Variants in CLCN5 observed in about 807,000 individuals in gnomAD.
CLCN5 encodes the protein Cl-/H+ antiporter 5, also known as H(+)/Cl(-) exchange transporter 5.
In CLCN5, 17 loss-of-function variants were observed where a neutral mutation model predicts 54.0. The ratio of observed to expected loss-of-function variants is 0.31; its 90% CI spans 0.22 to 0.47. The LOEUF (loss-of-function observed/expected upper bound fraction) is 0.47. Ranked by LOEUF, CLCN5 falls within the 20% of genes least tolerant of loss-of-function variation. CLCN5 has a pLI of 1.00. For missense variants in CLCN5, 448 were observed against 646.7 expected, an observed-to-expected ratio of 0.69 and a Z score of 3.33; for synonymous variants, 222 against 233.0, an observed-to-expected ratio of 0.95 and a Z score of 0.43.
At position 50,080,823 on chromosome X, in the gene CLCN5, A is replaced by G. The variant is rs1428486341; in HGVS notation, c.726+107A>G. 5 of 692,704 alleles carry G rather than the reference A, an allele frequency of 7.2e-6. No homozygotes were observed. The African/African-American group carries it at 1.1e-4, about 15-fold the overall frequency. 57.1% of individuals were successfully genotyped at this position (692,704 alleles called of 1,213,427 possible). On this transcript the variant is annotated intron_variant, in intron 8 of 14. Coordinates refer to ENST00000376091, the MANE Select transcript of CLCN5 (RefSeq NM_001127898.4). The stretch of plus-strand genomic sequence containing the variant: ...TACCACAATTTGATGAATGTTAAAC[A>G]GGATCAGATCCTGAGGCCATCTAAG...
intron 3 of CLCN5, among the ~76,000 whole-genome samples, chrX:49,997,450 C>T (rs1267076834): frequency 9.0e-6 from 1 of 111,296 alleles, no homozygotes; most frequent in Admixed American, 9.5e-5. Flanking sequence ...AATACCTCCT[C>T]ACCTCCTGAC....
chrX:50,045,763 G>A (rs1015366052), intron 4 of CLCN5, among the ~76,000 whole-genome samples: 5 of 112,119 alleles, frequency 4.5e-5, no homozygotes, highest in African/African-American at 1.3e-4. Context: ...AGACAAACAC[G>A]AAAATCAGCC....
chrX:50,089,692 C>T (rs1298637920), intron 12 of CLCN5, among the ~76,000 whole-genome samples: 1 of 111,149 alleles, frequency 9.0e-6, no homozygotes, highest in Admixed American at 9.5e-5. Flanking sequence ...TTGAGACCAG[C>T]CTGGGCAACA....
At chrX:50,026,102 A>G (rs1239326573) in intron 3 of CLCN5, among the ~76,000 whole-genome samples, 1 of 111,927 alleles carries the variant, frequency 8.9e-6, no homozygotes, top group Non-Finnish European at 1.9e-5. Flanking sequence ...TTAGTTCAAA[A>G]TGTTTTTTAA....
intron 10 of CLCN5, 25 bp downstream of exon 10, chrX:50,086,085 T>C (rs374563489): frequency 9.1e-7 from 1 of 1,101,090 alleles, no homozygotes; most frequent in African/African-American, 1.8e-5. Flanking sequence ...TTGTACAGCA[T>C]GTGCATGCTT....
Position 50,095,181 on chromosome X carries a change from G to A in CLCN5, c.*2962G>A, listed in dbSNP as rs1348428761. On this transcript the variant is annotated 3_prime_UTR_variant, in exon 15 of 15. Coordinates refer to ENST00000376091, the MANE Select transcript of CLCN5 (RefSeq NM_001127898.4). ...AGTTAGGATTTTCCAAGTAAGAGTA[G>A]CTGGTAGCCATCCAGCCATAAAAGG... The A allele has an allele frequency of 8.9e-6, 1 of 112,394 alleles. No homozygotes were observed. The highest frequency in any genetic ancestry group is 3.2e-5 in the African/African-American group (1 of 30,900). The allele number at this position is 112,394 out of a possible 1,213,427, so 9.3% of individuals were successfully genotyped here.
intron 3 of CLCN5, among the ~76,000 whole-genome samples, chrX:49,980,396 T>G (rs1462225479): frequency 1.8e-5 from 2 of 111,990 alleles, no homozygotes; most frequent in African/African-American, 6.5e-5. Flanking sequence ...TTGGAAACAT[T>G]AATATCAGCC....
At chrX:49,982,367 G>A (rs1440590044) in intron 3 of CLCN5, among the ~76,000 whole-genome samples, 1 of 110,370 alleles carries the variant, frequency 9.1e-6, no homozygotes, top group South Asian at 3.9e-4. Context: ...GTTGCTGAGG[G>A]GGAAAAAAGC....
chrX:49,925,376 C>G, intron 3 of CLCN5, 62 bp downstream of exon 3: 1 of 1,070,063 alleles, frequency 9.3e-7, no homozygotes, highest in Non-Finnish European at 1.3e-6. Flanking sequence ...TCTACCCTCA[C>G]CCAACCGTTC....
intron 3 of CLCN5, among the ~76,000 whole-genome samples, chrX:50,016,761 C>A (rs1557183615): frequency 1.9e-5 from 2 of 106,137 alleles, no homozygotes; most frequent in African/African-American, 6.9e-5. Flanking sequence ...AAACCCCTGG[C>A]AACCGCTGAT....
intron 3 of CLCN5, among the ~76,000 whole-genome samples, chrX:49,957,279 G>A (rs187177598): frequency 1.8e-5 from 2 of 111,261 alleles, no homozygotes; most frequent in Non-Finnish European, 3.8e-5. Context: ...CAGCCTGGGC[G>A]ACAGAGTGAG....
chrX:49,966,405 C>T (rs1927850912), intron 3 of CLCN5, among the ~76,000 whole-genome samples: 1 of 108,789 alleles, frequency 9.2e-6, no homozygotes, highest in Non-Finnish European at 1.9e-5. Flanking sequence ...GTAGAGATGT[C>T]CCCTCTCATT....
intron 3 of CLCN5, among the ~76,000 whole-genome samples, chrX:50,036,017 G>C (rs1198145147): frequency 8.9e-6 from 1 of 111,759 alleles, no homozygotes; most frequent in Non-Finnish European, 1.9e-5. Context: ...CCTCAGGCTT[G>C]TGGCCATCTA....
intron 3 of CLCN5, among the ~76,000 whole-genome samples, chrX:49,928,120 AATT>A (rs1223662084): frequency 1.8e-5 from 2 of 112,258 alleles, no homozygotes; most frequent in African/African-American, 6.5e-5. Flanking sequence ...AGTTAACAAT[AATT>A]ATATATTTCA....
At chrX:50,011,819 T>C (rs1166665459) in intron 3 of CLCN5, among the ~76,000 whole-genome samples, 3 of 112,184 alleles carry the variant, frequency 2.7e-5, no homozygotes, top group Admixed American at 9.4e-5. Flanking sequence ...CACGCACACG[T>C]GCACACACAC....
intron 3 of CLCN5, among the ~76,000 whole-genome samples, chrX:49,951,476 G>A (rs976749839): frequency 8.9e-6 from 1 of 112,207 alleles, no homozygotes; most frequent in Non-Finnish European, 1.9e-5. Context: ...GTAAGGCATT[G>A]TGTTGATACT....
At chrX:50,015,542 A>T (rs1161384044) in intron 3 of CLCN5, among the ~76,000 whole-genome samples, 1 of 108,686 alleles carries the variant, frequency 9.2e-6, no homozygotes, top group Admixed American at 1.0e-4. Context: ...ATAGAGATGG[A>T]CTATACATGT....
chrX:49,962,890 G>A (rs1439542456), intron 3 of CLCN5, among the ~76,000 whole-genome samples: 1 of 111,797 alleles, frequency 8.9e-6, no homozygotes, highest in Non-Finnish European at 1.9e-5. Flanking sequence ...AAGCCTAGGG[G>A]CCGTAGCATG....
intron 3 of CLCN5, chrX:50,008,290 C>T: frequency 1.0e-5 from 2 of 193,085 alleles, no homozygotes; most frequent in South Asian, 2.1e-4. Flanking sequence ...TCTGAGAGAA[C>T]AGACAAAATG....
Sources: gnomAD v4.1 joint callset for allele counts (sites outside exome capture counted in the v4.1 genomes callset) on GRCh38, gnomAD v4.1.1 for gene constraint, MANE v1.5 for transcripts, NCBI Gene and HGNC (gene_info 2026-07-23, HGNC 2026-07-21) for gene names.